Variants in MORC4 observed in about 807,000 individuals in gnomAD.
MORC4 encodes the protein MORC family CW-type zinc finger protein 4.
MORC4 carries 22 observed loss-of-function variants against 65.5 expected under a neutral mutation model. The observed-to-expected ratio is 0.34, with a 90% CI of 0.24 to 0.48. MORC4 has a LOEUF of 0.48. Ranked by LOEUF, MORC4 falls within the 20% of genes least tolerant of loss-of-function variation. The pLI is 0.99. For synonymous variants in MORC4, 267 were observed against 255.8 expected (o/e 1.04, Z -0.42); for missense variants, 624 against 703.0 (o/e 0.89, Z 1.27).
intron 5 of MORC4, among the ~76,000 whole-genome samples, chrX:106,981,711 T>C (rs1934745942): frequency 8.9e-6 from 1 of 111,935 alleles, no homozygotes; most frequent in Admixed American, 9.5e-5. Flanking sequence ...TGATGCCACA[T>C]TCATAAGGAA....
At chrX:106,973,930 C>G (rs374024952) in intron 9 of MORC4, among the ~76,000 whole-genome samples, 1 of 111,998 alleles carries the variant, frequency 8.9e-6, no homozygotes, top group Non-Finnish European at 1.9e-5. Context: ...ACCTACAGCA[C>G]GCTACGACAG....
At chrX:106,941,746 T>C in intron 16 of MORC4, 114 bp from the exon 17 acceptor site, 1 of 877,271 alleles carries the variant, frequency 1.1e-6, no homozygotes, top group Non-Finnish European at 1.6e-6. Context: ...ATGTTTTCAT[T>C]AGCTAGAAAG....
At chrX:106,956,829 T>C in intron 12 of MORC4, 107 bp downstream of exon 12, 2 of 579,994 alleles carry the variant, frequency 3.4e-6, no homozygotes, top group Non-Finnish European at 5.6e-6. Flanking sequence ...AGGAGGGAAA[T>C]TATTTAAGAA....
At chrX:106,995,088 TTA>T (rs1935050817) in intron 2 of MORC4, among the ~76,000 whole-genome samples, 1 of 111,605 alleles carries the variant, frequency 9.0e-6, no homozygotes, top group Non-Finnish European at 1.9e-5. Context: ...ACATTAGAAC[TTA>T]TTTCTTTTAT....
At chrX:106,977,897 A>T (rs1934658266) in intron 8 of MORC4, among the ~76,000 whole-genome samples, 183 bp downstream of exon 8, 1 of 111,603 alleles carries the variant, frequency 9.0e-6, no homozygotes, top group Non-Finnish European at 1.9e-5. Flanking sequence ...CAGCTGAAGA[A>T]TGAGAGTTAG....
chrX:106,995,138 C>T (rs998150621), intron 2 of MORC4, among the ~76,000 whole-genome samples: 2 of 111,196 alleles, frequency 1.8e-5, no homozygotes, highest in African/African-American at 6.5e-5. Context: ...CCACCTCTAG[C>T]TATCCCCCCT....
chrX:106,975,501 C>T (rs1277140826), intron 9 of MORC4, among the ~76,000 whole-genome samples: 2 of 111,454 alleles, frequency 1.8e-5, no homozygotes, highest in Non-Finnish European at 3.8e-5. Context: ...AAACACTAAA[C>T]CTAAAATTCT....
chrX:106,941,490 T>C lies in MORC4; in HGVS notation c.2803A>G (p.Ile935Val), dbSNP rs1175555676. 8.3e-7 allele frequency: 1 copy of C among 1,206,567 alleles called. No homozygotes were observed. Among genetic ancestry groups the C allele is most frequent in the Non-Finnish European group, 1.1e-6 (1 of 892,291 alleles). Residue 935 changes from isoleucine (I) to valine (V), a missense_variant, in exon 17 of 17, where the codon ATA becomes GTA. By Grantham distance (29) the Ile-to-Val change is conservative. Transcript: ENST00000355610. ...ILYTVLEANH[I>V]LD is the part of the protein sequence containing the mutation. The stretch of plus-strand genomic sequence containing the variant: ...ATACAGTCTGGTGCTCAATCCAGTA[T>C]GTGATTTGCCTCCAGCACCGTGTAC...
chrX:106,990,481 C>T (rs1433811885), intron 3 of MORC4, among the ~76,000 whole-genome samples: 1 of 111,947 alleles, frequency 8.9e-6, no homozygotes, highest in Admixed American at 9.4e-5. Context: ...AGGCATCAAA[C>T]TCCTGGACTC....
chrX:106,956,649 C>A, intron 12 of MORC4, 115 bp from the exon 13 acceptor site: 2 of 661,269 alleles, frequency 3.0e-6, no homozygotes, highest in East Asian at 3.3e-5. Context: ...ATACTGTGAG[C>A]CTCATTGAGT....
At chrX:106,990,656 C>A (rs767949022) in intron 3 of MORC4, among the ~76,000 whole-genome samples, 1 of 112,207 alleles carries the variant, frequency 8.9e-6, no homozygotes, top group Non-Finnish European at 1.9e-5. Flanking sequence ...CTGATCACTT[C>A]GGGTCAGGAG....
At chrX:106,990,126 T>A (rs1184834119) in intron 3 of MORC4, among the ~76,000 whole-genome samples, 30 of 103,089 alleles carry the variant, frequency 2.9e-4, no homozygotes, top group African/African-American at 1.0e-3. Flanking sequence ...GAGGCGGAGG[T>A]TGCAGTGAGC....
At chrX:106,969,751 C>T (rs1362358110) in intron 9 of MORC4, among the ~76,000 whole-genome samples, 1 of 111,857 alleles carries the variant, frequency 8.9e-6, no homozygotes, top group Admixed American at 9.5e-5. Context: ...TTCCTCGACA[C>T]ATACACCCTC....
At chrX:106,945,414 TTGTGTGTGTG>T (rs35077497) in intron 14 of MORC4, among the ~76,000 whole-genome samples, 77 of 83,253 alleles carry the variant, frequency 9.2e-4, no homozygotes, top group Middle Eastern at 6.5e-3. Context: ...ACTTACTACT[TTGTGTGTGTG>T]TGTGTGTGTG....
At position 106,998,645 on chromosome X, in the gene MORC4, A is replaced by C. The variant is rs185417114; in HGVS notation, c.175+1032T>G. Among the ~76,000 whole-genome samples the C allele has an allele frequency of 1.1e-3, 120 of 112,642 alleles. 1 individual carries two copies. The highest frequency in any genetic ancestry group is 2.0e-3 in the Non-Finnish European group (108 of 53,315). The stretch of plus-strand genomic sequence containing the variant: ...CTCAAAGATACAGTCCCTCTGCTCT[A>C]GGGTTCCAAACGTATCAATTCCACT... On this transcript the variant is annotated intron_variant, in intron 2 of 16. Transcript: ENST00000355610.
chrX:106,993,131 G>C lies in MORC4; in HGVS notation c.308+99C>G, dbSNP rs1935011211. ...AAGAGATGCTTAATAAATATTTGTT[G>C]AATGAACAAAAGGAAAGCAAAATAT... On this transcript the variant is annotated intron_variant, in intron 3 of 16. Transcript: ENST00000355610. The C allele has an allele frequency of 3.4e-6, 3 of 876,976 alleles. No homozygotes were observed. In the Admixed American group the frequency reaches 8.8e-5, roughly 26 times the overall value. The allele number at this position is 876,976 out of a possible 1,213,427, so 72.3% of individuals were successfully genotyped here.
At chrX:106,954,076 T>C (rs1212926789) in intron 14 of MORC4, among the ~76,000 whole-genome samples, 1 of 112,797 alleles carries the variant, frequency 8.9e-6, no homozygotes, top group Non-Finnish European at 1.9e-5. Context: ...TGAGCCAAGA[T>C]CACGCCATTG....
In MORC4 at chrX:106,942,694, A is replaced by G. The variant is rs751428354; in HGVS notation, c.2197T>C (p.Tyr733His). The G allele has an allele frequency of 1.3e-4, 155 of 1,209,785 alleles. No homozygotes were observed. Among genetic ancestry groups the G allele is most frequent in the Non-Finnish European group, 1.7e-4 (151 of 895,185 alleles). ...GGGATTGCAGCAGAGGCCACAGAAT[A>G]AGGCACTGGGTTCCAGGATTCAACT... ...KAVESWNPVP[Y>H]SVASAAIPAA... The change falls in exon 15 of 17, where the codon TAT becomes CAT. Residue 733 changes from tyrosine (Y) to histidine (H), a missense_variant. Tyr to His is a moderately conservative substitution (Grantham distance 83, BLOSUM62 2). Coordinates refer to ENST00000355610, the MANE Select transcript of MORC4 (RefSeq NM_024657.5).
At chrX:106,954,184 A>G (rs1934044476) in intron 14 of MORC4, among the ~76,000 whole-genome samples, 1 of 112,696 alleles carries the variant, frequency 8.9e-6, no homozygotes, top group South Asian at 3.7e-4. Context: ...CCTGCCCTAT[A>G]TGGCTTGGCC....
Sources: gnomAD v4.1 joint callset for allele counts (sites outside exome capture counted in the v4.1 genomes callset) on GRCh38, gnomAD v4.1.1 for gene constraint, MANE v1.5 for transcripts, NCBI Gene and HGNC (gene_info 2026-07-23, HGNC 2026-07-21) for gene names.